The following GRIK3 variants were observed in gnomAD, a reference collection of about 807,000 sequenced individuals.
GRIK3 encodes the protein glutamate receptor ionotropic, kainate 3.
In GRIK3, 29 loss-of-function variants were observed where a neutral mutation model predicts 102.5. The ratio of observed to expected loss-of-function variants is 0.28; its 90% CI spans 0.21 to 0.39. The LOEUF is 0.39. Among genes scored for constraint, GRIK3 ranks in the 10% least tolerant of loss-of-function variants. GRIK3 has a pLI of 1.00. For synonymous variants in GRIK3, 511 were observed against 504.9 expected (o/e 1.01, Z -0.16); for missense variants, 908 against 1,252.4 (o/e 0.73, Z 4.15).
chr1:36,923,129 G>A (rs1641491461), intron 1 of GRIK3, among the ~76,000 whole-genome samples: 3 of 152,170 alleles, frequency 2.0e-5, no homozygotes, highest in Admixed American at 2.0e-4. Context: ...GCAGTCGAGT[G>A]GCAAAGAAAT....
At chr1:36,989,197 C>T (rs1172191640) in intron 1 of GRIK3, among the ~76,000 whole-genome samples, 1 of 152,178 alleles carries the variant, frequency 6.6e-6, no homozygotes, top group African/African-American at 2.4e-5. Context: ...CCTCTCTCCA[C>T]ACACACACGC....
intron 1 of GRIK3, among the ~76,000 whole-genome samples, chr1:36,950,814 C>A (rs899894949): frequency 6.6e-6 from 1 of 152,234 alleles, no homozygotes; most frequent in Non-Finnish European, 1.5e-5. Context: ...GGGAGCTGAT[C>A]TCGTGAGTGA....
At position 36,948,537 on chromosome 1, in the gene GRIK3, C is replaced by G. The variant is rs562447589; in HGVS notation, c.116-57441G>C. On this transcript the variant is annotated intron_variant, in intron 1 of 15. Coordinates refer to ENST00000373091, the MANE Select transcript of GRIK3 (RefSeq NM_000831.4). ...CATCAAAGAAAGAGGCAACCCCTGC[C>G]TCCATGCACCTCACAATCAACCTGG... 3.9e-5 allele frequency among the ~76,000 whole-genome samples: 6 copies of G among 152,310 alleles called. No homozygotes were observed. In the East Asian group the frequency reaches 1.2e-3, roughly 29 times the overall value.
At chr1:36,983,416 C>T (rs1400764728) in intron 1 of GRIK3, among the ~76,000 whole-genome samples, 1 of 152,146 alleles carries the variant, frequency 6.6e-6, no homozygotes, top group East Asian at 1.9e-4. Flanking sequence ...CCCCTTCTGG[C>T]ACCGGGTGTA....
chr1:36,816,022 TA>T (rs1642622549), intron 13 of GRIK3, among the ~76,000 whole-genome samples: 1 of 152,098 alleles, frequency 6.6e-6, no homozygotes, highest in African/African-American at 2.4e-5. Context: ...GTGCTGGGAT[TA>T]CAGGCATGAG....
rs1553173907 is a variant in GRIK3, at chr1:36,814,520, C to CCACA, written c.2091+2536_2091+2539dup. Among the ~76,000 whole-genome samples the CCACA allele has an allele frequency of 8.2e-5, 11 of 134,346 alleles. No individual in the cohort carries two copies. In the South Asian group the frequency reaches 1.9e-3, roughly 24 times the overall value. 88.1% of individuals were successfully genotyped at this position (134,346 alleles called of 152,430 possible). ...ATACACATACATAGACCCCCCCCCC[C>CCACA]CACACACAGAGACACATATGCATGC... On this transcript the variant is annotated intron_variant, in intron 13 of 15. Transcript: ENST00000373091.
chr1:36,935,501 C>A (rs189117171), intron 1 of GRIK3, among the ~76,000 whole-genome samples: 1 of 152,132 alleles, frequency 6.6e-6, no homozygotes, highest in Non-Finnish European at 1.5e-5. Flanking sequence ...CCTATGACCG[C>A]TCTGTATCTG....
chr1:36,995,347 A>T (rs2124015404), intron 1 of GRIK3, among the ~76,000 whole-genome samples: 1 of 152,042 alleles, frequency 6.6e-6, no homozygotes, highest in African/African-American at 2.4e-5. Flanking sequence ...GCATTTTAAG[A>T]CCCCTGCTCT....
At chr1:36,859,586 G>A (rs998284350) in intron 6 of GRIK3, among the ~76,000 whole-genome samples, 1 of 148,394 alleles carries the variant, frequency 6.7e-6, no homozygotes, top group African/African-American at 2.5e-5. Flanking sequence ...GTTCCTCTGT[G>A]ACCTGCATCT....
rs115927110 is a variant in GRIK3 at position 36,845,550 on chromosome 1, T to A, written c.1327-3611A>T. The stretch of plus-strand genomic sequence containing the variant: ...GGGGTTATCCCCAATTTGGGAAGGA[T>A]CCAGGGATTAGCTACCTGATATCTG... On this transcript the variant is annotated intron_variant, in intron 9 of 15. Transcript: ENST00000373091. 3.8e-3 allele frequency among the ~76,000 whole-genome samples: 572 copies of A among 152,264 alleles called. 2 individuals are homozygous for A. Among genetic ancestry groups the A allele is most frequent in the African/African-American group, 0.013 (534 of 41,554 alleles).
intron 1 of GRIK3, among the ~76,000 whole-genome samples, chr1:36,922,229 A>G (rs904489882): frequency 6.6e-6 from 1 of 152,220 alleles, no homozygotes; most frequent in African/African-American, 2.4e-5. Context: ...GCAGTGAGAG[A>G]GGCCACCCTG....
chr1:36,999,106 T>C lies in GRIK3; in HGVS notation c.115+34888A>G, dbSNP rs1261604618. ...GTGGCTCAGGGGAACAGATGGGGCATGGAGTAGAGTGGAAGGTTCAAGTGC... is the reference window on the plus strand; with the variant it reads ...GTGGCTCAGGGGAACAGATGGGGCACGGAGTAGAGTGGAAGGTTCAAGTGC... On this transcript the variant is annotated intron_variant, in intron 1 of 15. Coordinates refer to ENST00000373091, the MANE Select transcript of GRIK3 (RefSeq NM_000831.4). Among the ~76,000 whole-genome samples, 4 of 151,534 alleles carry C rather than the reference T, an allele frequency of 2.6e-5. No homozygotes were observed. In the South Asian group the frequency reaches 8.4e-4, roughly 32 times the overall value.
chr1:36,986,363 C>A (rs1642304440), intron 1 of GRIK3, among the ~76,000 whole-genome samples: 1 of 151,652 alleles, frequency 6.6e-6, no homozygotes, highest in Admixed American at 6.6e-5. Context: ...ATCCATCCAT[C>A]CGTCAGTCCG....
intron 1 of GRIK3, among the ~76,000 whole-genome samples, chr1:36,946,677 C>G (rs1641788307): frequency 6.6e-6 from 1 of 152,324 alleles, no homozygotes; most frequent in South Asian, 2.1e-4. Flanking sequence ...TATGTTGTGC[C>G]AGGCCCCGTG....
In GRIK3 at chr1:36,809,932, CAACTA is replaced by C. The variant is rs527972496; in HGVS notation, c.2092-3611_2092-3607del. On this transcript the variant is annotated intron_variant, in intron 13 of 15. Transcript: ENST00000373091. ...TTCTGGAGCCTCCTGGCTCCAGCAC[CAACTA>C]AATTATTACCTCCATCACCTTCAGG... Among the ~76,000 whole-genome samples, 10 of 152,226 alleles carry C rather than the reference CAACTA, an allele frequency of 6.6e-5. No homozygotes were observed. The East Asian group carries it at 1.9e-3, about 29-fold the overall frequency.
intron 1 of GRIK3, among the ~76,000 whole-genome samples, chr1:36,899,487 A>G (rs912597216): frequency 9.9e-5 from 15 of 152,194 alleles, no homozygotes; most frequent in African/African-American, 1.7e-4. Flanking sequence ...AGAGAATCAA[A>G]AAATAGAAAG....
intron 1 of GRIK3, among the ~76,000 whole-genome samples, chr1:36,959,920 G>GGCTGTGTGC (rs1641983959): frequency 1.1e-5 from 1 of 90,152 alleles, no homozygotes; most frequent in Non-Finnish European, 2.3e-5. Context: ...TGCCCTGTGA[G>GGCTGTGTGC]CCTGTGTGCC....
intron 1 of GRIK3, among the ~76,000 whole-genome samples, chr1:36,965,446 A>G (rs913006783): frequency 3.3e-5 from 5 of 152,168 alleles, no homozygotes; most frequent in African/African-American, 1.2e-4. Flanking sequence ...GGGGGAAAAA[A>G]GGAATGAAAT....
chr1:37,022,521 G>A (rs933190688), intron 1 of GRIK3, among the ~76,000 whole-genome samples: 3 of 152,138 alleles, frequency 2.0e-5, no homozygotes, highest in African/African-American at 7.2e-5. Flanking sequence ...GAGAAAGAAG[G>A]GCTCACTCCC....
Sources: gnomAD v4.1 joint callset for allele counts (sites outside exome capture counted in the v4.1 genomes callset) on GRCh38, gnomAD v4.1.1 for gene constraint, MANE v1.5 for transcripts, NCBI Gene and HGNC (gene_info 2026-07-23, HGNC 2026-07-21) for gene names.